DDX42: variants seen among roughly 807,000 people sequenced by gnomAD.
The protein encoded by DDX42 is DEAD-box helicase 42.
DDX42 carries 22 observed loss-of-function variants against 101.5 expected under a neutral mutation model. The observed-to-expected ratio is 0.22, with a 90% CI of 0.15 to 0.31. The LOEUF is 0.31. Among genes scored for constraint, DDX42 ranks in the 10% least tolerant of loss-of-function variants. The pLI is 1.00. For synonymous variants in DDX42, 402 were observed against 401.2 expected (o/e 1.00, Z -0.02); for missense variants, 849 against 1,199.9 (o/e 0.71, Z 4.32).
chr17:63,792,015 C>G (rs1026849387), intron 2 of DDX42, among the ~76,000 whole-genome samples: 3 of 151,440 alleles, frequency 2.0e-5, no homozygotes, highest in African/African-American at 7.3e-5. Context: ...CCACTGCACT[C>G]CAGCCTGGGC....
chr17:63,818,153 C>A lies in DDX42; in HGVS notation c.2572C>A (p.Arg858=), dbSNP rs533590615. 3 of 1,613,908 alleles carry A rather than the reference C, an allele frequency of 1.9e-6. No homozygotes were observed. Among genetic ancestry groups the A allele is most frequent in the Non-Finnish European group, 2.5e-6 (3 of 1,180,020 alleles). Residue 858 remains arginine, a synonymous_variant, in exon 18 of 18, where the codon CGG becomes AGG. Coordinates refer to ENST00000389924, the MANE Select transcript of DDX42 (RefSeq NM_203499.3). ...CAGCAGCCGTCATACTGATGGCCAT[C>A]GGCACGGGGAGAACAGACATGGAGG... The part of the protein sequence containing the change: ...ESSSRHTDGH[R]HGENRHGGSA...
chr17:63,800,012 C>A, intron 5 of DDX42: 1 of 221,882 alleles, frequency 4.5e-6, no homozygotes, highest in East Asian at 1.0e-4. Context: ...GTATTTCAAG[C>A]TGGAACATTA....
In DDX42 at chr17:63,816,882, C is replaced by T. The variant is rs1188076823; in HGVS notation, c.2028C>T (p.Asn676=). ...LGSENMDRGN[N]NVMSNYEAYK... ...TATTTTTTTAGGATCGAGGAAATAA[C>T]AATGTAATGAGCAATTATGAGGCCT... is the stretch of plus-strand genomic sequence containing the variant. Residue 676 remains asparagine (N), a synonymous_variant, in exon 17 of 18, where the codon AAC becomes AAT. Coordinates refer to ENST00000389924, the MANE Select transcript of DDX42 (RefSeq NM_203499.3). 15 of 1,611,960 alleles carry T rather than the reference C, an allele frequency of 9.3e-6. No individual in the cohort carries two copies. Among genetic ancestry groups the T allele is most frequent in the Non-Finnish European group, 1.2e-5 (14 of 1,179,392 alleles).
chr17:63,817,228 C>A, intron 17 of DDX42: 1 of 426,826 alleles, frequency 2.3e-6, no homozygotes, highest in Non-Finnish European at 4.2e-6. Context: ...TGTGTTCCCT[C>A]CCTTCCCAAC....
chr17:63,815,613 G>A lies in DDX42; in HGVS notation c.1953G>A (p.Leu651=), dbSNP rs775338347. The A allele has an allele frequency of 6.2e-7, 1 of 1,613,976 alleles. No individual in the cohort carries two copies. Among genetic ancestry groups the A allele is most frequent in the African/African-American group, 1.3e-5 (1 of 75,042 alleles). Residue 651 remains leucine, a synonymous_variant, in exon 16 of 18, where the codon CTG becomes CTA. Coordinates refer to ENST00000389924, the MANE Select transcript of DDX42 (RefSeq NM_203499.3). The part of the protein sequence containing the change: ...SRFKGGKGKK[L]NIGGGGLGYR... ...TCAAAGGAGGGAAAGGAAAAAAGCT[G>A]AACATTGGTGGAGGAGGCCTAGGCT... is the stretch of plus-strand genomic sequence containing the variant.
intron 13 of DDX42, chr17:63,811,448 T>A (rs1451642983): frequency 5.3e-6 from 2 of 375,116 alleles, no homozygotes; most frequent in Non-Finnish European, 9.6e-6. Context: ...ACAATTGTTT[T>A]AAAAAGGCTT....
chr17:63,811,354 G>T, intron 13 of DDX42, 181 bp downstream of exon 13: 1 of 487,634 alleles, frequency 2.1e-6, no homozygotes, highest in Non-Finnish European at 3.6e-6. Context: ...GCAAAATGTT[G>T]GGAATCATTG....
At chr17:63,817,117 CAG>C (rs1435894189) in intron 17 of DDX42, 151 bp downstream of exon 17, 2 of 612,878 alleles carry the variant, frequency 3.3e-6, no homozygotes, top group African/African-American at 1.9e-5. Flanking sequence ...ATAAACCTAA[CAG>C]TAGCTTAGTT....
Position 63,787,195 on chromosome 17 carries a change from G to C in DDX42, c.146G>C (p.Gly49Ala), listed in dbSNP as rs770246027. ...GCAACCAGCTCTTCTTCTGGATTTG[G>C]AAAGTCAGCTCCACCACAGCTTCCT... The part of the protein sequence containing the change: ...FGATSSSSGF[G>A]KSAPPQLPSF... Residue 49 changes from glycine (G) to alanine (A), a missense_variant, in exon 2 of 18, where the codon GGA becomes GCA. This residue lies in a region of DDX42 where 92 missense variants were observed against 106.7 expected (regional missense o/e 0.86). Transcript: ENST00000389924. 6.2e-7 allele frequency: 1 copy of C among 1,614,160 alleles called. No individual in the cohort carries two copies. Among genetic ancestry groups the C allele is most frequent in the Non-Finnish European group, 8.5e-7 (1 of 1,180,038 alleles).
At chr17:63,784,077 C>T (rs949762331) in intron 1 of DDX42, among the ~76,000 whole-genome samples, 3 of 152,090 alleles carry the variant, frequency 2.0e-5, no homozygotes, top group Admixed American at 6.5e-5. Context: ...AAAAAACAAA[C>T]AGACAAACAA....
intron 1 of DDX42, among the ~76,000 whole-genome samples, chr17:63,775,675 C>T (rs1026796828): frequency 6.6e-6 from 1 of 152,054 alleles, no homozygotes; most frequent in African/African-American, 2.4e-5. Flanking sequence ...GTGTGAAGAC[C>T]AACGCGTTTG....
At chr17:63,801,085 T>G (rs1352154822) in intron 6 of DDX42, among the ~76,000 whole-genome samples, 1 of 151,986 alleles carries the variant, frequency 6.6e-6, no homozygotes, top group Non-Finnish European at 1.5e-5. Flanking sequence ...TCTGTCTCTC[T>G]GTCACCCAGG....
At chr17:63,798,165 C>T (rs1242879089) in intron 4 of DDX42, 66 bp downstream of exon 4, 3 of 1,468,682 alleles carry the variant, frequency 2.0e-6, no homozygotes, top group Non-Finnish European at 2.8e-6. Flanking sequence ...AAAGTCTATT[C>T]CCCCAAAGTT....
intron 13 of DDX42, chr17:63,811,453 A>C (rs1368384280): frequency 5.4e-6 from 2 of 368,780 alleles, no homozygotes; most frequent in African/African-American, 4.2e-5. Context: ...TGTTTTAAAA[A>C]GGCTTCAAAG....
intron 4 of DDX42, among the ~76,000 whole-genome samples, chr17:63,798,936 G>C (rs139482049): frequency 2.6e-5 from 4 of 152,100 alleles, no homozygotes; most frequent in African/African-American, 9.7e-5. Context: ...AATAGCAAGC[G>C]CTCTAGGTTA....
chr17:63,796,436 C>T (rs2039693454), intron 3 of DDX42, among the ~76,000 whole-genome samples: 2 of 152,328 alleles, frequency 1.3e-5, no homozygotes, highest in South Asian at 4.1e-4. Flanking sequence ...CCTGCCTCAG[C>T]TTCCCGAGTA....
At chr17:63,778,139 G>A (rs551245531) in intron 1 of DDX42, among the ~76,000 whole-genome samples, 5 of 152,116 alleles carry the variant, frequency 3.3e-5, no homozygotes, top group African/African-American at 4.8e-5. Flanking sequence ...CTGGTTCCAC[G>A]GTATTAACAC....
intron 1 of DDX42, among the ~76,000 whole-genome samples, chr17:63,782,140 C>CGGTGGT (rs1364150642): frequency 6.6e-6 from 1 of 150,932 alleles, no homozygotes; most frequent in Admixed American, 6.6e-5. Flanking sequence ...TAGCTGGGCA[C>CGGTGGT]GGTGGTGCGT....
chr17:63,778,411 G>A (rs1423824933), intron 1 of DDX42, among the ~76,000 whole-genome samples: 1 of 152,150 alleles, frequency 6.6e-6, no homozygotes, highest in African/African-American at 2.4e-5. Flanking sequence ...ACTTAAGTCT[G>A]CAATAGCTTG....
Sources: allele counts gnomAD v4.1 joint callset (sites outside exome capture counted in the v4.1 genomes callset), GRCh38; gene constraint gnomAD v4.1.1; regional missense constraint gnomAD v4.1.1; transcripts MANE v1.5; gene names NCBI Gene and HGNC (gene_info 2026-07-23, HGNC 2026-07-21).